PPME1: variants seen among roughly 807,000 people sequenced by gnomAD.
The protein encoded by PPME1 is testicular secretory protein Li 39.
PPME1 carries 17 observed loss-of-function variants against 56.9 expected under a neutral mutation model. The observed-to-expected ratio is 0.30, with a 90% CI of 0.20 to 0.45. PPME1 has a LOEUF of 0.45. PPME1 is among the 20% of genes least tolerant of loss of function. PPME1 has a pLI of 1.00. For synonymous variants in PPME1, 122 were observed against 156.2 expected (o/e 0.78, Z 1.63); for missense variants, 357 against 483.2 (o/e 0.74, Z 2.45).
At position 74,243,110 on chromosome 11, in the gene PPME1, G is replaced by A. The variant is rs182264367; in HGVS notation, c.835-2966G>A. Reference sequence around the variant, plus strand: ...CATCTCGCCCAGGTAAACATCCCAGGAAGATTGTTAGCCAACTTTCTGTTT... The same window carrying A: ...CATCTCGCCCAGGTAAACATCCCAGAAAGATTGTTAGCCAACTTTCTGTTT... On this transcript the variant is annotated intron_variant, in intron 9 of 13. Transcript: ENST00000328257. Among the ~76,000 whole-genome samples the A allele has an allele frequency of 3.2e-3, 490 of 152,138 alleles. 1 individual carries two copies. Among genetic ancestry groups the A allele is most frequent in the Middle Eastern group, 0.01 (3 of 294 alleles).
In PPME1 at chr11:74,247,235, C is replaced by T. The variant is rs77883729; in HGVS notation, c.1009+112C>T. 1.0e-3 allele frequency: 958 copies of T among 918,238 alleles called. 4 individuals are homozygous for T. In the African/African-American group the frequency reaches 0.015, roughly 14 times the overall value. 56.9% of individuals were successfully genotyped at this position (918,238 alleles called of 1,614,324 possible). A position where few individuals can be genotyped will look rare whatever the true frequency, so the allele number is the denominator to read the frequency against. Reference sequence around the variant, plus strand: ...CGGAGAAAGCATGAGCTTTAGAGTCCGACCCAAGTTGGACATCCGCCTCTA... The same window carrying T: ...CGGAGAAAGCATGAGCTTTAGAGTCTGACCCAAGTTGGACATCCGCCTCTA... On this transcript the variant is annotated intron_variant, in intron 11 of 13. Transcript: ENST00000328257.
chr11:74,199,264 T>A (rs918343806), intron 1 of PPME1, among the ~76,000 whole-genome samples: 1 of 152,184 alleles, frequency 6.6e-6, no homozygotes, highest in Non-Finnish European at 1.5e-5. Context: ...CTTTGAACAT[T>A]CACTGCACTT....
At chr11:74,227,123 G>T (rs1858951420) in intron 5 of PPME1, among the ~76,000 whole-genome samples, 1 of 152,296 alleles carries the variant, frequency 6.6e-6, no homozygotes, top group African/African-American at 2.4e-5. Context: ...GAGGGCTAGA[G>T]TACTGGAGAA....
intron 1 of PPME1, among the ~76,000 whole-genome samples, chr11:74,181,198 C>T (rs868852377): frequency 5.3e-5 from 8 of 151,848 alleles, no homozygotes; most frequent in African/African-American, 1.9e-4. Context: ...GCGCCTGCCA[C>T]CGCGCCCGGC....
intron 1 of PPME1, among the ~76,000 whole-genome samples, chr11:74,184,798 T>C (rs1857629524): frequency 6.6e-6 from 1 of 152,096 alleles, no homozygotes; most frequent in Non-Finnish European, 1.5e-5. Context: ...TTTTAATCAA[T>C]GGGAACTTCT....
chr11:74,218,909 G>C (rs998705692), intron 3 of PPME1, among the ~76,000 whole-genome samples: 2 of 152,034 alleles, frequency 1.3e-5, no homozygotes, highest in African/African-American at 4.8e-5. Context: ...AAGTTAAAAG[G>C]CTTCTGCACA....
At chr11:74,201,831 G>A (rs779119261) in intron 1 of PPME1, among the ~76,000 whole-genome samples, 1 of 152,078 alleles carries the variant, frequency 6.6e-6, no homozygotes, top group Non-Finnish European at 1.5e-5. Context: ...AACATGTTTG[G>A]CATGCCATGT....
At chr11:74,202,180 G>C (rs1858186813) in intron 1 of PPME1, among the ~76,000 whole-genome samples, 1 of 152,182 alleles carries the variant, frequency 6.6e-6, no homozygotes, top group Non-Finnish European at 1.5e-5. Context: ...TAAGGAATTT[G>C]AACTCCTCTG....
intron 8 of PPME1, chr11:74,238,045 C>T (rs181219040): frequency 6.6e-6 from 1 of 152,312 alleles, no homozygotes; most frequent in African/African-American, 2.4e-5. Flanking sequence ...TGTGTATGTG[C>T]ATGTGTATTA....
intron 1 of PPME1, among the ~76,000 whole-genome samples, chr11:74,195,351 T>A (rs1180374315): frequency 2.6e-5 from 4 of 152,204 alleles, no homozygotes; most frequent in Non-Finnish European, 5.9e-5. Context: ...TAGCTTTGCC[T>A]GTTTTTGAAC....
chr11:74,233,160 C>T (rs1404797017), intron 7 of PPME1, among the ~76,000 whole-genome samples: 1 of 151,964 alleles, frequency 6.6e-6, no homozygotes, highest in Non-Finnish European at 1.5e-5. Flanking sequence ...AAACATAACA[C>T]AATGAAGGAA....
At chr11:74,228,157 AAC>A (rs951690319) in intron 5 of PPME1, among the ~76,000 whole-genome samples, 7 of 151,908 alleles carry the variant, frequency 4.6e-5, no homozygotes, top group African/African-American at 1.5e-4. Context: ...AAAAAAAAAA[AAC>A]AGTTTGCCCC....
Position 74,171,344 on chromosome 11 carries a change from T to G in PPME1, c.-78T>G. 1 of 1,527,890 alleles carries G rather than the reference T, an allele frequency of 6.5e-7. No homozygotes were observed. The highest frequency in any genetic ancestry group is 8.8e-7 in the Non-Finnish European group (1 of 1,134,716). 94.6% of individuals were successfully genotyped at this position (1,527,890 alleles called of 1,614,324 possible). ...GACAGGGCGTCGTTAGGGGAGCGAG[T>G]CGTGACCGGTTGGGCCACACTCAAC... On this transcript the variant is annotated 5_prime_UTR_variant, in exon 1 of 14. Coordinates refer to ENST00000328257, the MANE Select transcript of PPME1 (RefSeq NM_016147.3).
chr11:74,232,860 A>ATTT (rs35057762), intron 7 of PPME1, among the ~76,000 whole-genome samples: 448 of 93,664 alleles, frequency 4.8e-3, no homozygotes, highest in Non-Finnish European at 6.3e-3. Context: ...TTGTTATTTG[A>ATTT]TTTTTTTTTT....
chr11:74,232,369 T>C (rs1355630501), intron 7 of PPME1, among the ~76,000 whole-genome samples: 1 of 152,270 alleles, frequency 6.6e-6, no homozygotes, highest in African/African-American at 2.4e-5. Context: ...AGTGGAAATT[T>C]AGGACTTGGT....
chr11:74,253,092 C>G (rs1279926949), intron 13 of PPME1, among the ~76,000 whole-genome samples: 1 of 152,162 alleles, frequency 6.6e-6, no homozygotes, highest in Non-Finnish European at 1.5e-5. Flanking sequence ...CGTTAGAGAA[C>G]TCTGAATTCC....
intron 1 of PPME1, among the ~76,000 whole-genome samples, chr11:74,183,010 A>G (rs905283377): frequency 1.4e-5 from 2 of 142,908 alleles, no homozygotes; most frequent in East Asian, 2.1e-4. Flanking sequence ...AAAAAAAAAA[A>G]GTACGGGCTG....
chr11:74,220,287 G>A (rs140457072), intron 3 of PPME1, among the ~76,000 whole-genome samples: 1 of 150,880 alleles, frequency 6.6e-6, no homozygotes, highest in African/African-American at 2.5e-5. Context: ...AAGTGATACA[G>A]AAGCATATTA....
intron 9 of PPME1, 159 bp from the exon 10 acceptor site, chr11:74,245,917 C>A: frequency 1.4e-6 from 1 of 697,620 alleles, no homozygotes; most frequent in Non-Finnish European, 2.3e-6. Flanking sequence ...TACAACAAGA[C>A]TGTTGGAAGG....
Sources: gnomAD v4.1 joint callset for allele counts (sites outside exome capture counted in the v4.1 genomes callset) on GRCh38, gnomAD v4.1.1 for gene constraint, MANE v1.5 for transcripts, NCBI Gene and HGNC (gene_info 2026-07-23, HGNC 2026-07-21) for gene names.